The following ROBO2 variants were observed in gnomAD, a reference collection of about 807,000 sequenced individuals.
ROBO2 encodes roundabout homolog 2.
ROBO2 carries 53 observed loss-of-function variants against 160.8 expected under a neutral mutation model. The ratio of observed to expected loss-of-function variants is 0.33; its 90% CI spans 0.26 to 0.41. ROBO2 has a LOEUF of 0.41. ROBO2 is among the 10% of genes least tolerant of loss of function. The pLI is 1.00. For synonymous variants in ROBO2, 664 were observed against 611.7 expected, an observed-to-expected ratio of 1.09 and a Z score of -1.26; for missense variants, 1,577 against 1,722.4, an observed-to-expected ratio of 0.92 and a Z score of 1.49.
intron 7 of ROBO2, among the ~76,000 whole-genome samples, chr3:77,547,250 TTG>T (rs1395481985): frequency 2.6e-5 from 4 of 152,058 alleles, no homozygotes; most frequent in Non-Finnish European, 5.9e-5. Flanking sequence ...AGATTAAAAA[TTG>T]TGTTGTTTGC....
intron 2 of ROBO2, among the ~76,000 whole-genome samples, chr3:76,656,927 T>C (rs1360247087): frequency 1.3e-5 from 2 of 152,180 alleles, no homozygotes; most frequent in Admixed American, 6.5e-5. Context: ...GCTGTCTATT[T>C]AGTCTTTAAC....
intron 2 of ROBO2, among the ~76,000 whole-genome samples, chr3:75,955,275 G>A (rs4553980): frequency 0.43 from 65,318 of 151,540 alleles, 15,335 homozygotes; most frequent in South Asian, 0.65. Flanking sequence ...ACTTAAGCTC[G>A]TGTTTTCAAG....
At chr3:77,470,121 A>G (rs1468426328) in intron 2 of ROBO2, among the ~76,000 whole-genome samples, 1 of 152,196 alleles carries the variant, frequency 6.6e-6, no homozygotes, top group Non-Finnish European at 1.5e-5. Context: ...TCCCTAGGGC[A>G]TGGAGGTTAC....
At chr3:75,951,266 C>G (rs1217581736) in intron 2 of ROBO2, among the ~76,000 whole-genome samples, 1 of 151,926 alleles carries the variant, frequency 6.6e-6, no homozygotes, top group Non-Finnish European at 1.5e-5. Flanking sequence ...CCTTTTTTGG[C>G]ATAACAAAAA....
At chr3:76,364,318 T>A (rs1224722589) in intron 2 of ROBO2, among the ~76,000 whole-genome samples, 1 of 152,122 alleles carries the variant, frequency 6.6e-6, no homozygotes, top group African/African-American at 2.4e-5. Flanking sequence ...TTCTACTCTT[T>A]TTTCAGCATT....
chr3:76,252,654 C>T (rs1178046831), intron 2 of ROBO2, among the ~76,000 whole-genome samples: 2 of 151,092 alleles, frequency 1.3e-5, no homozygotes, highest in Non-Finnish European at 2.9e-5. Context: ...TATGTTGTTG[C>T]TAATGAGAAG....
chr3:76,637,880 T>G (rs1035111809), intron 2 of ROBO2, among the ~76,000 whole-genome samples: 1 of 152,170 alleles, frequency 6.6e-6, no homozygotes, highest in Admixed American at 6.5e-5. Flanking sequence ...ACATAGAATC[T>G]AAAATAACAG....
At chr3:76,133,069 T>C (rs1021914549) in intron 2 of ROBO2, among the ~76,000 whole-genome samples, 1 of 152,086 alleles carries the variant, frequency 6.6e-6, no homozygotes, top group East Asian at 1.9e-4. Context: ...TAAATAATAC[T>C]GGGAACATAG....
intron 2 of ROBO2, among the ~76,000 whole-genome samples, chr3:76,149,947 C>T (rs375719466): frequency 1.6e-5 from 1 of 63,580 alleles, no homozygotes; most frequent in South Asian, 5.5e-4. Flanking sequence ...AAACACACAT[C>T]TGTCTAAAGC....
chr3:77,572,601 A>G (rs1292371445), intron 13 of ROBO2, among the ~76,000 whole-genome samples: 1 of 150,604 alleles, frequency 6.6e-6, no homozygotes, highest in East Asian at 2.0e-4. Context: ...TCTTGTTGAG[A>G]CTTATCTGGG....
At chr3:76,950,220 C>G (rs2078875128) in intron 2 of ROBO2, among the ~76,000 whole-genome samples, 1 of 152,124 alleles carries the variant, frequency 6.6e-6, no homozygotes, top group Non-Finnish European at 1.5e-5. Flanking sequence ...CTACGGTGTT[C>G]AGTTTAAAGA....
intron 2 of ROBO2, among the ~76,000 whole-genome samples, chr3:76,634,483 G>C (rs13098193): frequency 0.19 from 28,421 of 151,790 alleles, 2,772 homozygotes; most frequent in Non-Finnish European, 0.22. Context: ...CAGGAGAATC[G>C]CTTGAACCTG....
chr3:76,233,112 T>C lies in ROBO2; in HGVS notation c.109+295510T>C, dbSNP rs184996233. Among the ~76,000 whole-genome samples the C allele has an allele frequency of 4.5e-3, 692 of 152,216 alleles. 2 individuals carry two copies. Among genetic ancestry groups the C allele is most frequent in the Non-Finnish European group, 8.5e-3 (578 of 68,014 alleles). On this transcript the variant is annotated intron_variant, in intron 2 of 26. Coordinates refer to the ROBO2 transcript ENST00000487694. ...TTATTTTATTTTTTTTCTACATCAA[T>C]TCAAAGTTTACTGCCAGGTGTTATT...
At chr3:77,342,475 T>G (rs1385009957) in intron 2 of ROBO2, among the ~76,000 whole-genome samples, 1 of 152,088 alleles carries the variant, frequency 6.6e-6, no homozygotes, top group Admixed American at 6.6e-5. Flanking sequence ...TAGAGAGAAT[T>G]CTTCCTTTAT....
intron 2 of ROBO2, among the ~76,000 whole-genome samples, chr3:76,931,967 C>G (rs141986721): frequency 1.3e-5 from 2 of 152,138 alleles, no homozygotes; most frequent in African/African-American, 4.8e-5. Flanking sequence ...AGGCGTGAGC[C>G]ACCGCACCCT....
chr3:77,293,432 G>A (rs1048971524), intron 2 of ROBO2, among the ~76,000 whole-genome samples: 6 of 148,866 alleles, frequency 4.0e-5, no homozygotes, highest in Admixed American at 1.3e-4. Context: ...GTAAGCTGAG[G>A]CTAGATCACT....
rs1559717396 is a variant in ROBO2, at chr3:76,283,153, A to ATATATATATATAT, written c.109+345551_109+345552insTATATATATATAT. On this transcript the variant is annotated intron_variant, in intron 2 of 26. Transcript: ENST00000487694. ...ATAAAACTGTATATATATATATATA[A>ATATATATATATAT]AACTACATATATATAGTGACCCCTG... Among the ~76,000 whole-genome samples the ATATATATATATAT allele has an allele frequency of 5.1e-3, 62 of 12,078 alleles. 2 individuals are homozygous for ATATATATATATAT. The highest frequency in any genetic ancestry group is 0.062 in the Middle Eastern group (1 of 16). The allele number at this position is 12,078 out of a possible 152,430, so 7.9% of individuals were successfully genotyped here. A position where few individuals can be genotyped will look rare whatever the true frequency, so the allele number is the denominator to read the frequency against.
intron 2 of ROBO2, among the ~76,000 whole-genome samples, chr3:76,916,028 C>G (rs2076282699): frequency 6.6e-6 from 1 of 152,114 alleles, no homozygotes. Context: ...ATGACCTAAT[C>G]ACCTCCCAAA....
chr3:76,158,468 A>G (rs1434141753), intron 2 of ROBO2, among the ~76,000 whole-genome samples: 1 of 152,156 alleles, frequency 6.6e-6, no homozygotes, highest in Non-Finnish European at 1.5e-5. Flanking sequence ...AAAACTTCAC[A>G]AACTCATGTA....
Sources: gnomAD v4.1 joint callset for allele counts (sites outside exome capture counted in the v4.1 genomes callset) on GRCh38, gnomAD v4.1.1 for gene constraint, MANE v1.5 for transcripts, NCBI Gene and HGNC (gene_info 2026-07-23, HGNC 2026-07-21) for gene names.